Variants in DNAH8 observed in about 807,000 individuals in gnomAD.
DNAH8 encodes the protein axonemal beta dynein heavy chain 8.
DNAH8 carries 382 observed loss-of-function variants against 562.1 expected under a neutral mutation model. That is an observed-to-expected ratio of 0.68 (90% CI 0.63 to 0.74). DNAH8 has a LOEUF of 0.74. DNAH8 is among the 30% of genes least tolerant of loss of function. DNAH8 has a pLI of 0.00. For missense variants in DNAH8, 5,203 were observed against 5,620.4 expected, an observed-to-expected ratio of 0.93 and a Z score of 2.37; for synonymous variants, 1,881 against 1,919.4, an observed-to-expected ratio of 0.98 and a Z score of 0.52.
Position 39,026,576 on chromosome 6 carries a change from C to T in DNAH8, c.13745C>T (p.Thr4582Ile), listed in dbSNP as rs1476391693. The change falls in exon 92 of 93, where the codon ACC (threonine) becomes ATC (isoleucine). Residue 4582 changes from threonine to isoleucine, a missense_variant. Thr to Ile is a moderately conservative substitution (Grantham distance 89). Transcript: ENST00000327475. ...CTCACAGCAATGAGGCAAGAAGTGA[C>T]CCGTGCCCACAAAGGCTGGGCACTG... ...GFLTAMRQEV[T>I]RAHKGWALDT... 9 of 1,613,236 alleles carry T rather than the reference C, an allele frequency of 5.6e-6. No homozygotes were observed. The African/African-American group carries it at 1.1e-4, about 19-fold the overall frequency.
chr6:38,758,824 A>G (rs1042778686), intron 10 of DNAH8, among the ~76,000 whole-genome samples: 47 of 152,150 alleles, frequency 3.1e-4, no homozygotes, highest in Non-Finnish European at 5.3e-4. Flanking sequence ...TATATGCTGG[A>G]TTATGTTTAT....
At chr6:38,742,029 A>G (rs1340813338) in intron 8 of DNAH8, 142 bp downstream of exon 8, 1 of 591,860 alleles carries the variant, frequency 1.7e-6, no homozygotes, top group East Asian at 3.2e-5. Context: ...CATATATCAC[A>G]GTTATTTCCA....
intron 1 of DNAH8, among the ~76,000 whole-genome samples, chr6:38,719,147 G>A (rs887000934): frequency 1.3e-5 from 2 of 152,138 alleles, no homozygotes; most frequent in African/African-American, 4.8e-5. Flanking sequence ...AGGAATTCTT[G>A]TCTGGGCTGG....
intron 82 of DNAH8, 96 bp downstream of exon 82, chr6:38,951,616 A>T: frequency 9.2e-7 from 1 of 1,089,780 alleles, no homozygotes; most frequent in Non-Finnish European, 1.4e-6. Context: ...TTAGAAATAG[A>T]TGTAAAACTG....
At chr6:38,840,583 A>G (rs1170307568) in intron 33 of DNAH8, among the ~76,000 whole-genome samples, 1 of 152,214 alleles carries the variant, frequency 6.6e-6, no homozygotes, top group East Asian at 1.9e-4. Context: ...TATAAAATTC[A>G]TCTAGGTTAT....
At chr6:39,024,912 C>G (rs1361253559) in intron 91 of DNAH8, among the ~76,000 whole-genome samples, 3 of 152,206 alleles carry the variant, frequency 2.0e-5, no homozygotes, top group Non-Finnish European at 2.9e-5. Context: ...GATTGGTCAA[C>G]TCTTCTTTTG....
chr6:38,721,351 T>C (rs9296259), intron 1 of DNAH8, among the ~76,000 whole-genome samples: 73,197 of 150,428 alleles, frequency 0.49, 18,383 homozygotes, highest in East Asian at 0.87. Context: ...AACAAACAAA[T>C]AAATAAATTA....
chr6:38,791,879 A>G (rs920009485), intron 21 of DNAH8, among the ~76,000 whole-genome samples: 3 of 152,044 alleles, frequency 2.0e-5, no homozygotes, highest in African/African-American at 7.2e-5. Flanking sequence ...TTTTGTTGAT[A>G]TCCTCAGCCT....
intron 7 of DNAH8, among the ~76,000 whole-genome samples, chr6:38,740,342 C>T (rs1331358069): frequency 6.6e-6 from 1 of 152,130 alleles, no homozygotes; most frequent in Non-Finnish European, 1.5e-5. Context: ...ACATGATATA[C>T]CTCCCCATTT....
chr6:38,885,064 A>G (rs955540437), intron 56 of DNAH8, among the ~76,000 whole-genome samples: 1 of 152,212 alleles, frequency 6.6e-6, no homozygotes, highest in African/African-American at 2.4e-5. Context: ...ACAGTTCTGT[A>G]TGGCCTGCGT....
chr6:38,875,849 C>A, intron 53 of DNAH8, 21 bp downstream of exon 53: 2 of 1,493,694 alleles, frequency 1.3e-6, no homozygotes, highest in Non-Finnish European at 1.8e-6. Flanking sequence ...TGAACTATAC[C>A]TTAAATGAAA....
chr6:38,848,746 G>A lies in DNAH8; in HGVS notation c.5144G>A (p.Trp1715Ter), dbSNP rs1775504884. Residue 1715 changes from tryptophan to a stop codon, truncating the protein, a stop_gained, in exon 37 of 93, where the codon TGG (tryptophan) becomes TAG (stop). Transcript: ENST00000327475. LOFTEE classifies it high-confidence loss of function. ...IEEWLVVQNLWVYLEAVFVGG... is the reference protein window; with the variant it reads ...IEEWLVVQNL ...GAGTGGCTCGTAGTACAGAACCTTT[G>A]GGTTTATCTTGAAGCCGTCTTTGTA... 4.3e-6 allele frequency: 7 copies of A among 1,613,364 alleles called. No homozygotes were observed. Among genetic ancestry groups the A allele is most frequent in the Non-Finnish European group, 5.9e-6 (7 of 1,179,564 alleles).
In DNAH8 at chr6:38,741,888, G is replaced by A; in HGVS notation, c.1293+1G>A. The stretch of plus-strand genomic sequence containing the variant: ...TGTTGCACACTCCAAACTGCTAAAG[G>A]TAAAAGGCTTTTTATTTAAAGTTTG... On this transcript the variant is annotated splice_donor_variant, in intron 8 of 92. Transcript: ENST00000327475. LOFTEE classifies it high-confidence loss of function. 1.2e-6 allele frequency: 2 copies of A among 1,602,548 alleles called. No homozygotes were observed.
At chr6:38,982,608 TG>T in intron 86 of DNAH8, 146 bp downstream of exon 86, 2 of 580,938 alleles carry the variant, frequency 3.4e-6, no homozygotes, top group South Asian at 4.6e-5. Flanking sequence ...ATCAGGCACT[TG>T]CTGGGGCAGC....
chr6:38,783,675 C>T (rs780067777), intron 17 of DNAH8, among the ~76,000 whole-genome samples: 52 of 152,240 alleles, frequency 3.4e-4, no homozygotes, highest in Non-Finnish European at 5.7e-4. Flanking sequence ...AGGCTTTGGG[C>T]GGAGTTAAAT....
chr6:38,958,322 GTACAAA>G (rs1250317243), intron 82 of DNAH8, among the ~76,000 whole-genome samples: 1 of 149,822 alleles, frequency 6.7e-6, no homozygotes, highest in Non-Finnish European at 1.5e-5. Flanking sequence ...ATTTTTAAAA[GTACAAA>G]TGATCAACAA....
intron 53 of DNAH8, among the ~76,000 whole-genome samples, chr6:38,880,972 A>C (rs4714190): frequency 0.28 from 43,118 of 152,128 alleles, 7,227 homozygotes; most frequent in East Asian, 0.81. Flanking sequence ...GGCTGCAGTG[A>C]GCTGAGATCG....
chr6:38,722,809 G>C lies in DNAH8; in HGVS notation c.-1G>C, dbSNP rs927029031. ...GTATAAAGCATTCCGCACGACGGGG[G>C]ATGGAGAAGGATGCTGAAGATGGCG... On this transcript the variant is annotated 5_prime_UTR_variant, in exon 2 of 93. Transcript: ENST00000327475. The C allele has an allele frequency of 1.3e-6, 2 of 1,578,880 alleles. No homozygotes were observed. The highest frequency in any genetic ancestry group is 1.7e-6 in the Non-Finnish European group (2 of 1,164,626).
chr6:38,830,431 G>A (rs1349295549), intron 30 of DNAH8, among the ~76,000 whole-genome samples: 1 of 151,466 alleles, frequency 6.6e-6, no homozygotes, highest in African/African-American at 2.4e-5. Flanking sequence ...TCAGGAGGTC[G>A]AGACCATCCT....
Sources: gnomAD v4.1 joint callset for allele counts (sites outside exome capture counted in the v4.1 genomes callset) on GRCh38, gnomAD v4.1.1 for gene constraint, MANE v1.5 for transcripts, NCBI Gene and HGNC (gene_info 2026-07-23, HGNC 2026-07-21) for gene names.